MSR1: variants seen among roughly 807,000 people sequenced by gnomAD.
MSR1 encodes the protein macrophage scavenger receptor 1.
In MSR1, 53 loss-of-function variants were observed where a neutral mutation model predicts 47.2. The observed-to-expected ratio is 1.12, with a 90% CI of 0.90 to 1.41. MSR1 has a LOEUF of 1.41. MSR1 is among the 40% of genes most tolerant of loss of function. The probability of loss-of-function intolerance (pLI) is 0.00; values close to 1 mark genes in which losing one functional copy is unlikely to be tolerated. For missense variants in MSR1, 786 were observed against 546.9 expected (o/e 1.44, Z -4.36); for synonymous variants, 239 against 185.6 (o/e 1.29, Z -2.34).
intron 8 of MSR1, among the ~76,000 whole-genome samples, chr8:16,133,745 TCTC>T (rs1800319279): frequency 6.6e-6 from 1 of 152,172 alleles, no homozygotes; most frequent in Non-Finnish European, 1.5e-5. Context: ...TGTTTTATCT[TCTC>T]CTATAATTCT....
rs184164453 is a variant in MSR1, at chr8:16,139,271, C to T, written c.1033+4287G>A. Reference sequence around the variant, plus strand: ...ATTAAAAATGTCTGCATTATACCAGCGGGGAAAAGCTATTCCAGTTCAGAG... The same window carrying T: ...ATTAAAAATGTCTGCATTATACCAGTGGGGAAAAGCTATTCCAGTTCAGAG... On this transcript the variant is annotated intron_variant, in intron 8 of 9. Coordinates refer to ENST00000262101, the MANE Select transcript of MSR1 (RefSeq NM_138715.3). The T allele has an allele frequency of 1.7e-4, 170 of 984,404 alleles. No individual in the cohort carries two copies. The African/African-American group carries it at 2.6e-3, about 15-fold the overall frequency. The allele number at this position is 984,404 out of a possible 1,614,324, so 61.0% of individuals were successfully genotyped here. A position where few individuals can be genotyped will look rare whatever the true frequency, so the allele number is the denominator to read the frequency against.
chr8:16,188,995 T>A (rs1802084387), intron 1 of MSR1, among the ~76,000 whole-genome samples: 1 of 141,514 alleles, frequency 7.1e-6, no homozygotes, highest in Non-Finnish European at 1.5e-5. Flanking sequence ...TATATATATA[T>A]ATAAAACAAC....
At position 16,191,559 on chromosome 8, in the gene MSR1, C is replaced by T. The variant is rs145772165; in HGVS notation, c.-5+1039G>A. ...ATGAGCTTTTCTTATTTTGTTCTCA[C>T]GGAATCTTCATGAGGTACAAGTAGT... On this transcript the variant is annotated intron_variant, in intron 1 of 9. Coordinates refer to ENST00000262101, the MANE Select transcript of MSR1 (RefSeq NM_138715.3). Among the ~76,000 whole-genome samples, 827 of 148,110 alleles carry T rather than the reference C, an allele frequency of 5.6e-3. 5 individuals are homozygous for T. The highest frequency in any genetic ancestry group is 8.9e-3 in the Admixed American group (131 of 14,752).
chr8:16,141,946 T>G (rs1424829922), intron 8 of MSR1, among the ~76,000 whole-genome samples: 2 of 151,846 alleles, frequency 1.3e-5, no homozygotes, highest in Non-Finnish European at 2.9e-5. Context: ...AAAGATAACA[T>G]AAGGATAAGA....
intron 5 of MSR1, among the ~76,000 whole-genome samples, chr8:16,163,238 G>GA (rs1365403647): frequency 1.3e-5 from 2 of 151,708 alleles, no homozygotes; most frequent in African/African-American, 2.4e-5. Flanking sequence ...AAATAAACTG[G>GA]AAAAAACCAG....
rs1292724328 is a variant in MSR1 at position 16,131,437 on chromosome 8, GA to G, written c.1034-10832del. Among the ~76,000 whole-genome samples the G allele has an allele frequency of 8.8e-4, 85 of 96,634 alleles. 2 individuals carry two copies. The highest frequency in any genetic ancestry group is 3.3e-3 in the African/African-American group (79 of 23,768). 63.4% of individuals were successfully genotyped at this position (96,634 alleles called of 152,430 possible). On this transcript the variant is annotated intron_variant, in intron 8 of 9. Transcript: ENST00000262101. ...ATTCTATGTATCTGTTTACTCTGTTGATAGTTTTTTTTTTTTTTTTTTTTTT... is the reference window on the plus strand; with the variant it reads ...ATTCTATGTATCTGTTTACTCTGTTGTAGTTTTTTTTTTTTTTTTTTTTTT...
intron 4 of MSR1, among the ~76,000 whole-genome samples, chr8:16,165,509 T>C (rs1801279515): frequency 6.6e-6 from 1 of 152,158 alleles, no homozygotes; most frequent in South Asian, 2.1e-4. Context: ...ATTCTGGTAA[T>C]AATTTTTGTC....
Position 16,118,857 on chromosome 8 carries a change from C to G in MSR1, c.1222+1561G>C, listed in dbSNP as rs557778101. ...AAAAGAAAAACAAAGAAAACAAAAG[C>G]AAAAATCTAGCTGTTGACCTTGAGA... On this transcript the variant is annotated intron_variant, in intron 9 of 9. Coordinates refer to ENST00000262101, the MANE Select transcript of MSR1 (RefSeq NM_138715.3). Among the ~76,000 whole-genome samples the G allele has an allele frequency of 5.9e-5, 9 of 152,132 alleles. No individual in the cohort carries two copies. The South Asian group carries it at 1.9e-3, about 32-fold the overall frequency.
chr8:16,155,534 A>G (rs1215547113), intron 5 of MSR1, among the ~76,000 whole-genome samples: 2 of 152,066 alleles, frequency 1.3e-5, no homozygotes, highest in Non-Finnish European at 2.9e-5. Flanking sequence ...CGGAAAATCT[A>G]TAAGTAAGAA....
intron 8 of MSR1, among the ~76,000 whole-genome samples, chr8:16,133,248 AC>A (rs1308991574): frequency 2.0e-5 from 3 of 152,210 alleles, no homozygotes; most frequent in African/African-American, 4.8e-5. Flanking sequence ...ATTCCTAAAG[AC>A]CTGAGGATCT....
chr8:16,163,564 T>G (rs1185851454), intron 5 of MSR1, among the ~76,000 whole-genome samples: 3 of 151,254 alleles, frequency 2.0e-5, no homozygotes, highest in African/African-American at 4.8e-5. Flanking sequence ...CATATATACA[T>G]ATATTTTATT....
chr8:16,182,081 G>A (rs571298630), intron 1 of MSR1, among the ~76,000 whole-genome samples: 1 of 152,288 alleles, frequency 6.6e-6, no homozygotes, highest in Non-Finnish European at 1.5e-5. Flanking sequence ...CCCAGGCTGT[G>A]TGGTCTAGCC....
At chr8:16,152,086 CT>C (rs1169391951) in intron 6 of MSR1, among the ~76,000 whole-genome samples, 4 of 151,412 alleles carry the variant, frequency 2.6e-5, no homozygotes, top group African/African-American at 9.7e-5. Context: ...TCTCCTCCCC[CT>C]CTTCCTCATC....
intron 1 of MSR1, among the ~76,000 whole-genome samples, chr8:16,190,277 G>T (rs1322931703): frequency 6.6e-6 from 1 of 152,140 alleles, no homozygotes; most frequent in African/African-American, 2.4e-5. Context: ...AAAGTGAAAG[G>T]AAAACTATTT....
At chr8:16,117,297 G>A (rs551186733) in intron 9 of MSR1, among the ~76,000 whole-genome samples, 65 of 152,270 alleles carry the variant, frequency 4.3e-4, no homozygotes, top group African/African-American at 1.5e-3. Context: ...CGCTTCTTAT[G>A]AGAATCTAAT....
chr8:16,186,206 C>T (rs1349681743), intron 1 of MSR1: 3 of 1,535,400 alleles, frequency 2.0e-6, no homozygotes, highest in South Asian at 2.4e-5. Flanking sequence ...TGAGATAGCA[C>T]ATCCAGGGGA....
At chr8:16,151,258 A>C (rs769637624) in intron 6 of MSR1, among the ~76,000 whole-genome samples, 12 of 152,128 alleles carry the variant, frequency 7.9e-5, no homozygotes, top group Non-Finnish European at 4.4e-5. Context: ...CTTCTCAAGT[A>C]CCTCACAGTG....
At chr8:16,123,605 T>C (rs1196888510) in intron 8 of MSR1, among the ~76,000 whole-genome samples, 1 of 131,594 alleles carries the variant, frequency 7.6e-6, no homozygotes, top group Non-Finnish European at 1.6e-5. Context: ...TGTGTGTGTG[T>C]CTGGATAGCT....
intron 9 of MSR1, among the ~76,000 whole-genome samples, chr8:16,111,094 T>C (rs1799747075): frequency 6.6e-6 from 1 of 152,138 alleles, no homozygotes; most frequent in South Asian, 2.1e-4. Context: ...GTGTTTGTGA[T>C]TGTATGTGTG....
Sources: gnomAD v4.1 joint callset for allele counts (sites outside exome capture counted in the v4.1 genomes callset) on GRCh38, gnomAD v4.1.1 for gene constraint, MANE v1.5 for transcripts, NCBI Gene and HGNC (gene_info 2026-07-23, HGNC 2026-07-21) for gene names.